Variants in NSDHL observed in about 807,000 individuals in gnomAD.
NSDHL encodes the protein sterol-4-alpha-carboxylate 3-dehydrogenase, decarboxylating.
NSDHL carries 1 observed loss-of-function variant against 23.0 expected under a neutral mutation model. The observed-to-expected ratio is 0.04, with a 90% CI of 0.02 to 0.21. The LOEUF (loss-of-function observed/expected upper bound fraction) is 0.21, where lower values mean the gene tolerates loss of function less well. NSDHL is among the 10% of genes least tolerant of loss of function. The pLI, the probability that NSDHL is intolerant of heterozygous loss-of-function variation, is 1.00. For missense variants in NSDHL, 237 were observed against 300.9 expected, an observed-to-expected ratio of 0.79 and a Z score of 1.57; for synonymous variants, 128 against 121.1, an observed-to-expected ratio of 1.06 and a Z score of -0.37.
At chrX:152,854,374 C>T (rs782313124) in intron 3 of NSDHL, among the ~76,000 whole-genome samples, 9 of 111,828 alleles carry the variant, frequency 8.0e-5, no homozygotes, top group Admixed American at 2.8e-4. Context: ...GGGTGAAAGA[C>T]ATGGCAGGAG....
At position 152,868,835 on chromosome X, in the gene NSDHL, C is replaced by G. The variant is rs146686014; in HGVS notation, c.841C>G (p.Arg281Gly). The G allele has an allele frequency of 2.0e-5, 24 of 1,209,542 alleles. No individual in the cohort carries two copies. The highest frequency in any genetic ancestry group is 2.2e-5 in the Non-Finnish European group (20 of 894,495). ...EPIPFWTFLS[R>G]ILTGLNYEAP... ...CATCCCTTTCTGGACATTCCTGTCT[C>G]GCATCCTGACAGGCCTCAATTATGA... Residue 281 changes from arginine (R) to glycine (G), a missense_variant, in exon 8 of 8, where the codon CGC becomes GGC. Transcript: ENST00000370274.
Position 152,862,610 on chromosome X carries a change from C to T in NSDHL, c.429C>T (p.Thr143=), listed in dbSNP as rs1205597884. 8.3e-7 allele frequency: 1 copy of T among 1,204,686 alleles called. No homozygotes were observed. The highest frequency in any genetic ancestry group is 1.8e-5 in the African/African-American group (1 of 56,905). ...KEAGVQKLIL[T]SSASVIFEGV... ...TCCTCTGTCAGAAACTCATTTTAAC[C>T]AGCAGTGCCAGTGTCATCTTTGAGG... is the stretch of plus-strand genomic sequence containing the variant. Residue 143 remains threonine (T), a synonymous_variant, in exon 5 of 8, where the codon ACC becomes ACT. Coordinates refer to ENST00000370274, the MANE Select transcript of NSDHL (RefSeq NM_015922.3).
At chrX:152,863,980 C>G (rs923843297) in intron 5 of NSDHL, among the ~76,000 whole-genome samples, 1 of 109,807 alleles carries the variant, frequency 9.1e-6, no homozygotes, top group African/African-American at 3.3e-5. Context: ...GGCACGATCT[C>G]GGCTCACTGC....
At chrX:152,837,430 G>GTTTGTCATA (rs1354777600) in intron 1 of NSDHL, among the ~76,000 whole-genome samples, 1 of 111,589 alleles carries the variant, frequency 9.0e-6, no homozygotes, top group Non-Finnish European at 1.9e-5. Flanking sequence ...TTGGCTGTGG[G>GTTTGTCATA]TTTGTCATAA....
chrX:152,831,362 C>G (rs1443464225), intron 1 of NSDHL, among the ~76,000 whole-genome samples: 3 of 111,246 alleles, frequency 2.7e-5, no homozygotes, highest in Admixed American at 1.9e-4. Context: ...TCGCAGAGGT[C>G]GGACGGCTGG....
chrX:152,842,979 C>G (rs192533293), intron 1 of NSDHL, among the ~76,000 whole-genome samples: 1 of 111,749 alleles, frequency 8.9e-6, no homozygotes, highest in Non-Finnish European at 1.9e-5. Flanking sequence ...CTCATTTGCG[C>G]GGCTAGCTCT....
At chrX:152,857,217 T>C (rs782434066) in intron 3 of NSDHL, among the ~76,000 whole-genome samples, 1 of 112,592 alleles carries the variant, frequency 8.9e-6, no homozygotes, top group Non-Finnish European at 1.9e-5. Context: ...CATTGATTAT[T>C]GTTCCAGGCA....
intron 3 of NSDHL, among the ~76,000 whole-genome samples, chrX:152,858,538 A>C (rs2125012738): frequency 9.0e-6 from 1 of 111,548 alleles, no homozygotes; most frequent in Admixed American, 9.5e-5. Context: ...CATGCCCCAA[A>C]CCCCTTTTGA....
chrX:152,841,275 G>A (rs928811713), intron 1 of NSDHL, among the ~76,000 whole-genome samples: 1 of 112,783 alleles, frequency 8.9e-6, no homozygotes, highest in Non-Finnish European at 1.9e-5. Context: ...GTAAGGCAAC[G>A]CCGTGCCCTG....
intron 5 of NSDHL, 89 bp from the exon 6 acceptor site, chrX:152,865,730 C>A (rs782238762): frequency 3.7e-6 from 4 of 1,085,014 alleles, no homozygotes; most frequent in East Asian, 3.0e-5. Flanking sequence ...CTGTCCCCCA[C>A]GAGTGGTGCT....
chrX:152,846,590 A>G (rs782767807), intron 2 of NSDHL, among the ~76,000 whole-genome samples, 158 bp downstream of exon 2: 19 of 113,161 alleles, frequency 1.7e-4, no homozygotes, highest in Non-Finnish European at 3.0e-4. Context: ...CTGTGTAACA[A>G]TATCAGAACA....
chrX:152,839,156 T>G (rs1262800030), intron 1 of NSDHL, among the ~76,000 whole-genome samples: 4 of 111,938 alleles, frequency 3.6e-5, no homozygotes, highest in African/African-American at 1.3e-4. Flanking sequence ...GCTTGGTAGA[T>G]CTCTCTTCAT....
In NSDHL at chrX:152,865,792, C is replaced by T. The variant is rs782628605; in HGVS notation, c.544-27C>T. ...CTTGGGCCTAGGAATTTGCAATGGA[C>T]GTGCCCCTTCTCCCACTCTCCTCCA... On this transcript the variant is annotated intron_variant, in intron 5 of 7. Coordinates refer to ENST00000370274, the MANE Select transcript of NSDHL (RefSeq NM_015922.3). 80 of 1,210,452 alleles carry T rather than the reference C, an allele frequency of 6.6e-5. No homozygotes were observed. The Admixed American group carries it at 1.6e-3, about 24-fold the overall frequency.
At position 152,850,435 on chromosome X, in the gene NSDHL, T is replaced by C. The variant is rs1556846127; in HGVS notation, c.267+12T>C. ...TCTGCAGCCGACAGGTAATGGACCA[T>C]GCAGCCTTGCTGATTTCCCACGAGC... is the stretch of plus-strand genomic sequence containing the variant. On this transcript the variant is annotated intron_variant, in intron 3 of 7. Transcript: ENST00000370274. 7 of 1,208,559 alleles carry C rather than the reference T, an allele frequency of 5.8e-6. No homozygotes were observed. Among genetic ancestry groups the C allele is most frequent in the Non-Finnish European group, 7.8e-6 (7 of 892,328 alleles).
At chrX:152,859,046 G>A (rs957659543) in intron 4 of NSDHL, 130 bp downstream of exon 4, 3 of 523,719 alleles carry the variant, frequency 5.7e-6, no homozygotes, top group Non-Finnish European at 9.5e-6. Context: ...GAAGATCTTA[G>A]AAATGAAGCC....
chrX:152,868,559 C>A (rs190739081), intron 7 of NSDHL, among the ~76,000 whole-genome samples: 1 of 112,615 alleles, frequency 8.9e-6, no homozygotes, highest in Non-Finnish European at 1.9e-5. Context: ...AACAAATGTG[C>A]CTTTCCAAGT....
At chrX:152,859,523 A>AG (rs782178954) in intron 4 of NSDHL, among the ~76,000 whole-genome samples, 2 of 112,261 alleles carry the variant, frequency 1.8e-5, no homozygotes, top group South Asian at 7.5e-4. Flanking sequence ...TGATGTCCTC[A>AG]GGGGTCATCC....
chrX:152,856,733 A>G (rs956005068), intron 3 of NSDHL, among the ~76,000 whole-genome samples: 7 of 112,777 alleles, frequency 6.2e-5, no homozygotes, highest in Non-Finnish European at 1.3e-4. Context: ...AAAACATAAC[A>G]GTAGTGGATG....
intron 7 of NSDHL, among the ~76,000 whole-genome samples, chrX:152,868,433 C>G (rs782229226): frequency 8.9e-6 from 1 of 111,758 alleles, no homozygotes; most frequent in Non-Finnish European, 1.9e-5. Context: ...GCGCCTGGCC[C>G]GGGTGTGGCT....
Sources: allele counts gnomAD v4.1 joint callset (sites outside exome capture counted in the v4.1 genomes callset), GRCh38; gene constraint gnomAD v4.1.1; transcripts MANE v1.5; gene names NCBI Gene and HGNC (gene_info 2026-07-23, HGNC 2026-07-21).